The following WEE2 variants were observed in gnomAD, a reference collection of about 807,000 sequenced individuals.
WEE2 encodes WEE2 oocyte meiosis inhibiting kinase.
WEE2 carries 50 observed loss-of-function variants against 60.1 expected under a neutral mutation model. The ratio of observed to expected loss-of-function variants is 0.83; its 90% CI spans 0.66 to 1.05. The LOEUF (loss-of-function observed/expected upper bound fraction) is 1.05. Ranked by LOEUF, WEE2 falls within the 50% of genes least tolerant of loss-of-function variation. WEE2 has a pLI of 0.00. For synonymous variants in WEE2, 240 were observed against 241.0 expected (o/e 1.00, Z 0.04); for missense variants, 631 against 684.3 (o/e 0.92, Z 0.87).
At position 141,729,593 on chromosome 7, in the gene WEE2, G is replaced by C; in HGVS notation, c.1598G>C (p.Gly533Ala). 1.2e-6 allele frequency: 2 copies of C among 1,614,180 alleles called. No homozygotes were observed. The highest frequency in any genetic ancestry group is 1.7e-6 in the Non-Finnish European group (2 of 1,180,032). Residue 533 changes from glycine to alanine, a missense_variant, in exon 11 of 12, where the codon GGG becomes GCG. By Grantham distance (60) the Gly-to-Ala change is moderately conservative. Transcript: ENST00000397541. ...PQGYTHHGDT[G>A]VSGTHTGSRS... ...GGATATACCCATCATGGTGACACTG[G>C]GGTCTCTGGGACCCACACAGGATCA...
At position 141,720,963 on chromosome 7, in the gene WEE2, C is replaced by A. The variant is rs1415017005; in HGVS notation, c.787C>A (p.His263Asn). The change falls in exon 5 of 12, where the codon CAC becomes AAC. Residue 263 changes from histidine (H) to asparagine (N), a missense_variant. By Grantham distance (68) the His-to-Asn change is moderately conservative. Transcript: ENST00000397541. ...ENSALHEVYAHAVLGHHPHVV... is the reference protein window; with the variant it reads ...ENSALHEVYANAVLGHHPHVV... ...TTCGGCTTTGCATGAAGTTTATGCTCACGCAGTGCTTGGGCATCACCCCCA... is the reference window on the plus strand; with the variant it reads ...TTCGGCTTTGCATGAAGTTTATGCTAACGCAGTGCTTGGGCATCACCCCCA... The A allele has an allele frequency of 6.2e-7, 1 of 1,613,976 alleles. No individual in the cohort carries two copies. The highest frequency in any genetic ancestry group is 1.7e-5 in the Admixed American group (1 of 60,012).
chr7:141,721,935 T>G (rs942848999), intron 5 of WEE2, among the ~76,000 whole-genome samples: 3 of 152,244 alleles, frequency 2.0e-5, no homozygotes, highest in African/African-American at 7.2e-5. Context: ...CTTCTGAACT[T>G]ACATGTCATG....
intron 5 of WEE2, among the ~76,000 whole-genome samples, chr7:141,722,233 C>T (rs796498810): frequency 5.3e-5 from 8 of 152,134 alleles, no homozygotes; most frequent in African/African-American, 1.9e-4. Flanking sequence ...AGTGAAACCC[C>T]GTCTCTTCTA....
intron 9 of WEE2, among the ~76,000 whole-genome samples, chr7:141,727,024 T>C (rs1799029405): frequency 6.6e-6 from 1 of 152,218 alleles, no homozygotes; most frequent in Admixed American, 6.5e-5. Context: ...TCGAGAGTCT[T>C]AGTTTTTTCT....
In WEE2 at chr7:141,725,077, G is replaced by A. The variant is rs1302222741; in HGVS notation, c.1273G>A (p.Ala425Thr). The change falls in exon 9 of 12, where the codon GCA becomes ACA. Residue 425 changes from alanine (A) to threonine (T), a missense_variant. Transcript: ENST00000397541. ...CATATTTGCCTTGGGATTAACAATT[G>A]CAGTGGCTGCAGGAGCAGAGTCATT... Reference protein sequence around the residue: ...ADIFALGLTIAVAAGAESLPT... With the variant: ...ADIFALGLTITVAAGAESLPT... 6.2e-7 allele frequency: 1 copy of A among 1,614,160 alleles called. No individual in the cohort carries two copies. Among genetic ancestry groups the A allele is most frequent in the Non-Finnish European group, 8.5e-7 (1 of 1,180,032 alleles).
At position 141,711,931 on chromosome 7, in the gene WEE2, C is replaced by A. The variant is rs1024662373; in HGVS notation, c.343-2278C>A. 2.0e-5 allele frequency: 3 copies of A among 152,182 alleles called. No individual in the cohort carries two copies. The highest frequency in any genetic ancestry group is 4.4e-5 in the Non-Finnish European group (3 of 68,046). 9.4% of individuals were successfully genotyped at this position (152,182 alleles called of 1,614,324 possible). Reference sequence around the variant, plus strand: ...AAGGAAGTGTCAGGCTCATTTTAAACAACCAGATCTGGTGTGAACTAACAA... The same window carrying A: ...AAGGAAGTGTCAGGCTCATTTTAAAAAACCAGATCTGGTGTGAACTAACAA... On this transcript the variant is annotated intron_variant, in intron 1 of 11. Transcript: ENST00000397541. This position sits in a 1 kb window ranked among gnomAD's most constrained non-coding sequence, Gnocchi z 4.2.
At chr7:141,713,521 G>A (rs1798742129) in intron 1 of WEE2, among the ~76,000 whole-genome samples, 1 of 152,090 alleles carries the variant, frequency 6.6e-6, no homozygotes, top group Admixed American at 6.6e-5. Flanking sequence ...GTTGGTAGCT[G>A]GTTGTAGCCA....
Position 141,730,351 on chromosome 7 carries a change from G to A in WEE2, c.*31G>A, listed in dbSNP as rs761476472. 3.1e-6 allele frequency: 5 copies of A among 1,609,782 alleles called. No homozygotes were observed. The highest frequency in any genetic ancestry group is 4.2e-6 in the Non-Finnish European group (5 of 1,177,148). On this transcript the variant is annotated 3_prime_UTR_variant, in exon 12 of 12. Coordinates refer to ENST00000397541, the MANE Select transcript of WEE2 (RefSeq NM_001105558.1). ...GAAAAGGAAAACAGCCCTTGGTTTG[G>A]CCTATGGATTACGAGGTTGCTGTTG...
chr7:141,711,513 A>G lies in WEE2; in HGVS notation c.342+2413A>G, dbSNP rs1052704338. Among the ~76,000 whole-genome samples the G allele has an allele frequency of 6.6e-6, 1 of 152,194 alleles. No individual in the cohort carries two copies. The highest frequency in any genetic ancestry group is 2.4e-5 in the African/African-American group (1 of 41,456). On this transcript the variant is annotated intron_variant, in intron 1 of 11. Transcript: ENST00000397541. This position sits in a 1 kb window ranked among gnomAD's most constrained non-coding sequence, Gnocchi z 4.2. ...GGATTGGCTTAGTCAGTCTTGTCCA[A>G]GGGATGGAACCAAAAATCATGTGAA...
intron 4 of WEE2, among the ~76,000 whole-genome samples, 173 bp downstream of exon 4, chr7:141,719,417 G>A (rs1798865906): frequency 6.6e-6 from 1 of 152,128 alleles, no homozygotes; most frequent in African/African-American, 2.4e-5. Flanking sequence ...CCAGCTCAGA[G>A]ATGTTACTTC....
chr7:141,727,344 C>G lies in WEE2; in HGVS notation c.1433C>G (p.Ala478Gly). Residue 478 changes from alanine to glycine, a missense_variant, in exon 10 of 12, where the codon GCA (alanine) becomes GGA (glycine). Physicochemically the swap from Ala to Gly is moderately conservative, Grantham distance 60 (BLOSUM62 0). Coordinates refer to ENST00000397541, the MANE Select transcript of WEE2 (RefSeq NM_001105558.1). ...QPDAEQRPSA[A>G]ALARNTVLRP... The stretch of plus-strand genomic sequence containing the variant: ...GATGCCGAACAGAGACCTTCTGCAG[C>G]AGCTCTGGCCAGAAATACAGTTCTC... 13 of 1,614,128 alleles carry G rather than the reference C, an allele frequency of 8.1e-6. No individual in the cohort carries two copies. The highest frequency in any genetic ancestry group is 1.1e-5 in the Non-Finnish European group (13 of 1,180,010).
chr7:141,729,190 G>A (rs1799078871), intron 10 of WEE2, among the ~76,000 whole-genome samples: 2 of 152,166 alleles, frequency 1.3e-5, no homozygotes, highest in Admixed American at 1.3e-4. Context: ...ATAAATACAG[G>A]TGATAGGCCA....
At chr7:141,727,000 T>C (rs985905295) in intron 9 of WEE2, among the ~76,000 whole-genome samples, 5 of 152,190 alleles carry the variant, frequency 3.3e-5, no homozygotes, top group African/African-American at 1.2e-4. Context: ...TTCCAGTAAT[T>C]TGGATAATTT....
At chr7:141,721,231 G>T (rs6947065) in intron 5 of WEE2, among the ~76,000 whole-genome samples, 175 bp downstream of exon 5, 82,333 of 152,068 alleles carry the variant, frequency 0.54, 22,958 homozygotes, top group African/African-American at 0.68. Flanking sequence ...CCTCTTAAAG[G>T]GGTCCTCGAC....
At chr7:141,721,154 TA>T (rs1379512318) in intron 5 of WEE2, 98 bp downstream of exon 5, 1 of 1,428,294 alleles carries the variant, frequency 7.0e-7, no homozygotes, top group African/African-American at 1.4e-5. Context: ...ATTCCACGGA[TA>T]GCAGATATAC....
intron 10 of WEE2, 117 bp downstream of exon 10, chr7:141,727,563 A>G: frequency 1.5e-6 from 2 of 1,323,526 alleles, no homozygotes. Context: ...CCATTATAAT[A>G]CATAGGTCCC....
At chr7:141,718,552 A>C (rs1182415824) in intron 3 of WEE2, among the ~76,000 whole-genome samples, 2 of 152,096 alleles carry the variant, frequency 1.3e-5, no homozygotes. Context: ...ACTAACCAAA[A>C]TTGTCAAAGT....
intron 1 of WEE2, among the ~76,000 whole-genome samples, chr7:141,713,268 G>A (rs974804964): frequency 3.9e-5 from 6 of 152,170 alleles, no homozygotes; most frequent in Non-Finnish European, 8.8e-5. Context: ...GATCAGAACT[G>A]TAGAAGTCTT....
chr7:141,710,499 A>C (rs568686625), intron 1 of WEE2, among the ~76,000 whole-genome samples: 1 of 152,354 alleles, frequency 6.6e-6, no homozygotes, highest in African/African-American at 2.4e-5. Flanking sequence ...ACTGCCTTCA[A>C]AAAGAGCCCA....
Sources: gnomAD v4.1 joint callset for allele counts (sites outside exome capture counted in the v4.1 genomes callset) on GRCh38, gnomAD v4.1.1 for gene constraint, Gnocchi (gnomAD v3.1) non-coding constraint, MANE v1.5 for transcripts, NCBI Gene and HGNC (gene_info 2026-07-23, HGNC 2026-07-21) for gene names.